Variants in NF1 observed in about 807,000 individuals in gnomAD.
NF1 encodes the protein neurofibromin.
Under a neutral mutation model 325.7 loss-of-function variants are expected in NF1, and 122 were observed. The observed-to-expected ratio is 0.37, with a 90% CI of 0.32 to 0.44. The LOEUF is 0.44. Ranked by LOEUF, NF1 falls within the 20% of genes least tolerant of loss-of-function variation. NF1 has a pLI of 1.00. For synonymous variants in NF1, 1,091 were observed against 1,186.0 expected (o/e 0.92, Z 1.65); for missense variants, 2,140 against 3,415.4 (o/e 0.63, Z 9.31).
intron 11 of NF1, among the ~76,000 whole-genome samples, chr17:31,202,564 T>C (rs1010839469): frequency 6.6e-6 from 1 of 152,192 alleles, no homozygotes; most frequent in African/African-American, 2.4e-5. Flanking sequence ...GCAGGATGCC[T>C]TGGGCATTGC....
chr17:31,236,134 G>C (rs1036840308), intron 29 of NF1, 113 bp downstream of exon 29: 87 of 746,054 alleles, frequency 1.2e-4, no homozygotes, highest in Middle Eastern at 2.8e-4. Context: ...ATTAAAATTA[G>C]TTTTTAATTA....
chr17:31,261,985 G>A, intron 35 of NF1, 128 bp downstream of exon 35: 1 of 842,602 alleles, frequency 1.2e-6, no homozygotes, highest in Non-Finnish European at 1.9e-6. Context: ...ACATTGCCAT[G>A]TTTGGGGAAT....
intron 8 of NF1, among the ~76,000 whole-genome samples, chr17:31,196,404 A>G (rs1196820734): frequency 2.0e-5 from 3 of 152,046 alleles, no homozygotes; most frequent in Non-Finnish European, 2.9e-5. Context: ...TTTTTTAGTT[A>G]TAGGAATTTT....
chr17:31,142,480 T>C (rs1470176104), intron 1 of NF1, among the ~76,000 whole-genome samples: 1 of 152,208 alleles, frequency 6.6e-6, no homozygotes, highest in Admixed American at 6.5e-5. Context: ...GGCATAATTA[T>C]TTTCTTATAT....
intron 36 of NF1, among the ~76,000 whole-genome samples, chr17:31,322,122 CACACACAA>C (rs1483083376): frequency 7.0e-6 from 1 of 143,606 alleles, no homozygotes; most frequent in Non-Finnish European, 1.6e-5. Flanking sequence ...CACACACACA[CACACACAA>C]CTGTCAAACA....
chr17:31,123,355 A>G (rs1189971595), intron 1 of NF1, among the ~76,000 whole-genome samples: 1 of 152,200 alleles, frequency 6.6e-6, no homozygotes, highest in Non-Finnish European at 1.5e-5. Flanking sequence ...CTTCATTCTC[A>G]ATCTTTCAGA....
At chr17:31,299,369 G>T (rs1037708368) in intron 36 of NF1, 1 of 151,934 alleles carries the variant, frequency 6.6e-6, no homozygotes, top group Non-Finnish European at 1.5e-5. Flanking sequence ...AGAGGCATAA[G>T]TATGTGTTAC....
At chr17:31,137,938 G>A (rs1437900684) in intron 1 of NF1, 1 of 151,832 alleles carries the variant, frequency 6.6e-6, no homozygotes, top group African/African-American at 2.4e-5. Context: ...TTTCTGTTAC[G>A]TTGTCATCAA....
At chr17:31,294,732 TTG>T in intron 36 of NF1, 1 of 476,372 alleles carries the variant, frequency 2.1e-6, no homozygotes, top group Non-Finnish European at 3.8e-6. Flanking sequence ...GCTTTATATT[TTG>T]TGCAATAAAT....
rs17881495 is a variant in NF1, at chr17:31,247,912, A to T, written c.3975-1072A>T. On this transcript the variant is annotated intron_variant, in intron 29 of 57. Transcript: ENST00000358273. The stretch of plus-strand genomic sequence containing the variant: ...CTATTGATGAAAAAAGTAAAGACCT[A>T]CATCATTCAGCCGGGCGTGGTGGCT... 3.6e-3 allele frequency among the ~76,000 whole-genome samples: 542 copies of T among 152,298 alleles called. 5 individuals carry two copies. The highest frequency in any genetic ancestry group is 0.012 in the African/African-American group (515 of 41,558).
intron 29 of NF1, among the ~76,000 whole-genome samples, chr17:31,243,082 A>G (rs1436811450): frequency 6.6e-6 from 1 of 152,126 alleles, no homozygotes; most frequent in African/African-American, 2.4e-5. Flanking sequence ...GTGGTCTTGC[A>G]TAAGATCCTG....
chr17:31,246,702 G>A (rs1195845697), intron 29 of NF1, among the ~76,000 whole-genome samples: 2 of 152,096 alleles, frequency 1.3e-5, no homozygotes, highest in East Asian at 3.9e-4. Flanking sequence ...TTACTATTGG[G>A]TAAAATTTAA....
At chr17:31,273,600 G>C (rs2067945743) in intron 36 of NF1, 1 of 152,182 alleles carries the variant, frequency 6.6e-6, no homozygotes, top group South Asian at 2.1e-4. Flanking sequence ...TCTTTGAAGA[G>C]TAAGAATTCA....
chr17:31,235,500 A>G, intron 27 of NF1, 111 bp from the exon 28 acceptor site: 1 of 1,100,856 alleles, frequency 9.1e-7, no homozygotes, highest in Non-Finnish European at 1.4e-6. Context: ...ATTTGCCTTA[A>G]TTTAGCAAGT....
intron 36 of NF1, among the ~76,000 whole-genome samples, chr17:31,287,258 G>T (rs746762363): frequency 3.3e-5 from 5 of 152,132 alleles, no homozygotes; most frequent in African/African-American, 4.8e-5. Flanking sequence ...TCATTAAAAT[G>T]GTTATATAGC....
At chr17:31,197,568 T>C (rs1597677302) in intron 8 of NF1, among the ~76,000 whole-genome samples, 2 of 152,298 alleles carry the variant, frequency 1.3e-5, no homozygotes, top group Admixed American at 6.5e-5. Context: ...GATGCTATCG[T>C]AAGTGGAATT....
At chr17:31,135,268 T>TACAGTTG (rs1555601777) in intron 1 of NF1, among the ~76,000 whole-genome samples, 1 of 152,238 alleles carries the variant, frequency 6.6e-6, no homozygotes, top group Non-Finnish European at 1.5e-5. Flanking sequence ...TACAATATCT[T>TACAGTTG]ACAGTTGATT....
chr17:31,304,179 A>G, intron 36 of NF1: 35 of 1,317,758 alleles, frequency 2.7e-5, no homozygotes, highest in Non-Finnish European at 3.1e-5. Context: ...ATTGACTATC[A>G]GTTGCCATTT....
chr17:31,304,109 G>A, intron 36 of NF1: 2 of 662,102 alleles, frequency 3.0e-6, no homozygotes, highest in Non-Finnish European at 4.8e-6. Context: ...TTAAAAAAAA[G>A]TTTCATCTAT....
Sources: gnomAD v4.1 joint callset for allele counts (sites outside exome capture counted in the v4.1 genomes callset) on GRCh38, gnomAD v4.1.1 for gene constraint, MANE v1.5 for transcripts, NCBI Gene and HGNC (gene_info 2026-07-23, HGNC 2026-07-21) for gene names.